Variants in CSMD1 observed in about 807,000 individuals in gnomAD.
CSMD1 encodes the protein CUB and sushi domain-containing protein 1.
A neutral mutation model predicts 417.5 loss-of-function variants in CSMD1; 213 were observed. That is an observed-to-expected ratio of 0.51 (90% CI 0.46 to 0.57). The LOEUF (loss-of-function observed/expected upper bound fraction) is 0.57, where lower values mean the gene tolerates loss of function less well. Ranked by LOEUF, CSMD1 falls within the 20% of genes least tolerant of loss-of-function variation. CSMD1 has a pLI of 0.00. For missense variants in CSMD1, 6,923 were observed against 4,529.7 expected, an observed-to-expected ratio of 1.53 and a Z score of -15.17; for synonymous variants, 2,862 against 1,736.8, an observed-to-expected ratio of 1.65 and a Z score of -16.11.
At chr8:3,619,310 C>A (rs943769206) in intron 7 of CSMD1, among the ~76,000 whole-genome samples, 1 of 152,096 alleles carries the variant, frequency 6.6e-6, no homozygotes, top group African/African-American at 2.4e-5. Context: ...CAGAGGCCCA[C>A]TAATTAGTGA....
chr8:3,228,804 C>A lies in CSMD1; in HGVS notation c.4345+1236G>T, dbSNP rs145789699. ...AAGGAAAAAAAAAAACCCTTTCCTA[C>A]TGTAAAAGTAGGCCATTGGTTTAAA... On this transcript the variant is annotated intron_variant, in intron 27 of 69. Transcript: ENST00000635120. Among the ~76,000 whole-genome samples, 105 of 152,004 alleles carry A rather than the reference C, an allele frequency of 6.9e-4. 1 individual carries two copies. The highest frequency in any genetic ancestry group is 2.5e-3 in the African/African-American group (102 of 41,480).
At chr8:3,298,494 A>T (rs1333475010) in intron 25 of CSMD1, among the ~76,000 whole-genome samples, 1 of 152,132 alleles carries the variant, frequency 6.6e-6, no homozygotes, top group Non-Finnish European at 1.5e-5. Flanking sequence ...TGATCTGTTG[A>T]CCAGGCTGGA....
At chr8:3,438,150 T>A (rs959987217) in intron 12 of CSMD1, among the ~76,000 whole-genome samples, 1 of 152,208 alleles carries the variant, frequency 6.6e-6, no homozygotes, top group Non-Finnish European at 1.5e-5. Flanking sequence ...ATAATTACCA[T>A]GGGGTTTTAT....
intron 3 of CSMD1, among the ~76,000 whole-genome samples, chr8:4,158,453 G>T (rs62501113): frequency 6.6e-6 from 1 of 151,872 alleles, no homozygotes; most frequent in Non-Finnish European, 1.5e-5. Flanking sequence ...CAAAGAAACA[G>T]TAATACTAAT....
intron 1 of CSMD1, among the ~76,000 whole-genome samples, chr8:4,894,334 T>C (rs1804332760): frequency 6.6e-6 from 1 of 152,106 alleles, no homozygotes; most frequent in African/African-American, 2.4e-5. Flanking sequence ...AATTTTCTAC[T>C]AATTCACTGC....
chr8:3,727,382 C>A (rs2129046465), intron 6 of CSMD1, among the ~76,000 whole-genome samples: 1 of 152,244 alleles, frequency 6.6e-6, no homozygotes, highest in East Asian at 1.9e-4. Flanking sequence ...GCTGGCAGCC[C>A]CGCCCAGGTA....
At chr8:3,261,764 C>G (rs1347119114) in intron 26 of CSMD1, among the ~76,000 whole-genome samples, 3 of 152,124 alleles carry the variant, frequency 2.0e-5, no homozygotes, top group Non-Finnish European at 4.4e-5. Flanking sequence ...GACACACTGC[C>G]TGATTCCCTC....
chr8:4,906,128 T>C (rs1280658979), intron 1 of CSMD1, among the ~76,000 whole-genome samples: 2 of 152,198 alleles, frequency 1.3e-5, no homozygotes, highest in Non-Finnish European at 2.9e-5. Flanking sequence ...GGTAGGTTTC[T>C]AGATGCTACC....
chr8:4,351,061 G>T (rs1393919064), intron 3 of CSMD1, among the ~76,000 whole-genome samples: 1 of 152,170 alleles, frequency 6.6e-6, no homozygotes, highest in East Asian at 1.9e-4. Flanking sequence ...GCTCAGACCA[G>T]TAATTCCAGA....
chr8:4,237,376 C>T (rs552866575), intron 3 of CSMD1, among the ~76,000 whole-genome samples: 7 of 152,006 alleles, frequency 4.6e-5, no homozygotes, highest in Admixed American at 2.0e-4. Context: ...ACTCAGTTTC[C>T]GTTTATATAA....
intron 3 of CSMD1, among the ~76,000 whole-genome samples, chr8:4,101,248 G>A (rs926162813): frequency 6.6e-6 from 1 of 151,882 alleles, no homozygotes; most frequent in South Asian, 2.1e-4. Context: ...TTTCTCCCCT[G>A]AGGTTAACTC....
intron 10 of CSMD1, among the ~76,000 whole-genome samples, chr8:3,562,444 A>ACACACATGCACACACACGTGCACATG (rs1799512091): frequency 8.0e-6 from 1 of 124,264 alleles, no homozygotes; most frequent in Non-Finnish European, 1.7e-5. Flanking sequence ...ACGTGCACAT[A>ACACACATGCACACACACGTGCACATG]CACATACTCA....
rs1262712833 is a variant in CSMD1, at chr8:4,730,729, A to AGCTC, written c.86-93172_86-93171insGAGC. 2.0e-5 allele frequency among the ~76,000 whole-genome samples: 3 copies of AGCTC among 151,756 alleles called. No homozygotes were observed. The South Asian group carries it at 6.2e-4, about 32-fold the overall frequency. ...GCACTCCAGCCTGGGCGACAGAGCG[A>AGCTC]GACTCCATTTCAAAAAAACAAATAA... On this transcript the variant is annotated intron_variant, in intron 1 of 69. Transcript: ENST00000635120.
chr8:3,576,535 T>C (rs1205818367), intron 9 of CSMD1, among the ~76,000 whole-genome samples: 1 of 152,152 alleles, frequency 6.6e-6, no homozygotes, highest in Non-Finnish European at 1.5e-5. Flanking sequence ...ATGGAAATAA[T>C]TAGCTAAAAT....
intron 55 of CSMD1, among the ~76,000 whole-genome samples, chr8:2,977,625 C>T (rs1386788063): frequency 2.0e-5 from 3 of 152,134 alleles, no homozygotes; most frequent in Non-Finnish European, 4.4e-5. Flanking sequence ...AAGAAACTAT[C>T]CTCAGAGTGA....
intron 2 of CSMD1, among the ~76,000 whole-genome samples, chr8:4,461,722 A>C (rs983635291): frequency 7.2e-6 from 1 of 138,402 alleles, no homozygotes; most frequent in Admixed American, 8.0e-5. Context: ...AGCTCATCTT[A>C]TTTATTATTT....
chr8:4,032,907 G>A (rs112446362), intron 3 of CSMD1, among the ~76,000 whole-genome samples: 1,572 of 152,194 alleles, frequency 0.01, 29 homozygotes, highest in African/African-American at 0.036. Flanking sequence ...AGTCAGACAT[G>A]CCTCATTATA....
At chr8:4,506,844 T>G (rs369453859) in intron 2 of CSMD1, among the ~76,000 whole-genome samples, 1 of 152,232 alleles carries the variant, frequency 6.6e-6, no homozygotes, top group Non-Finnish European at 1.5e-5. Context: ...GAAATCCATG[T>G]CTTATATTTG....
At chr8:4,198,957 T>A (rs897064606) in intron 3 of CSMD1, among the ~76,000 whole-genome samples, 5 of 151,844 alleles carry the variant, frequency 3.3e-5, no homozygotes, top group Non-Finnish European at 5.9e-5. Context: ...TATCTTTTTT[T>A]AAGACAGTAC....
Sources: allele counts gnomAD v4.1 joint callset (sites outside exome capture counted in the v4.1 genomes callset), GRCh38; gene constraint gnomAD v4.1.1; transcripts MANE v1.5; gene names NCBI Gene and HGNC (gene_info 2026-07-23, HGNC 2026-07-21).